The following DGKI variants were observed in gnomAD, a reference collection of about 807,000 sequenced individuals.
The protein encoded by DGKI is DAG kinase iota.
In DGKI, 55 loss-of-function variants were observed where a neutral mutation model predicts 147.5. The ratio of observed to expected loss-of-function variants is 0.37; its 90% CI spans 0.30 to 0.47. DGKI has a LOEUF of 0.47. Among genes scored for constraint, DGKI ranks in the 20% least tolerant of loss-of-function variants. DGKI has a pLI of 1.00. For synonymous variants in DGKI, 469 were observed against 477.1 expected (o/e 0.98, Z 0.22); for missense variants, 1,007 against 1,323.8 (o/e 0.76, Z 3.71).
chr7:137,603,862 G>A (rs957452911), intron 10 of DGKI, among the ~76,000 whole-genome samples: 4 of 152,186 alleles, frequency 2.6e-5, no homozygotes, highest in East Asian at 1.9e-4. Context: ...AGGGAGTTGC[G>A]AGAGAGGAGA....
At chr7:137,632,655 G>A (rs834425) in intron 6 of DGKI, among the ~76,000 whole-genome samples, 144,970 of 151,916 alleles carry the variant, frequency 0.95, 69,228 homozygotes, top group East Asian at 1. Context: ...TCAGGAGATC[G>A]AGACCATCCT....
chr7:137,437,359 G>T (rs1271078728), intron 28 of DGKI, among the ~76,000 whole-genome samples: 2 of 152,078 alleles, frequency 1.3e-5, no homozygotes, highest in African/African-American at 4.8e-5. Flanking sequence ...TGCCAGCAAA[G>T]ACTACTTAGA....
chr7:137,442,724 C>T (rs1813557163), intron 28 of DGKI, among the ~76,000 whole-genome samples: 1 of 152,146 alleles, frequency 6.6e-6, no homozygotes, highest in South Asian at 2.1e-4. Context: ...TCAGATTTCA[C>T]AATGTGGCAG....
intron 1 of DGKI, among the ~76,000 whole-genome samples, chr7:137,770,095 T>C (rs1271154297): frequency 1.3e-5 from 2 of 152,256 alleles, no homozygotes; most frequent in South Asian, 2.1e-4. Flanking sequence ...AGTGATAGAC[T>C]GGATAAAGAA....
At chr7:137,812,196 C>A (rs1316575038) in intron 1 of DGKI, among the ~76,000 whole-genome samples, 2 of 152,146 alleles carry the variant, frequency 1.3e-5, no homozygotes, top group Admixed American at 6.5e-5. Context: ...ATAGTTAGAC[C>A]TGGGTGTAAA....
At chr7:137,469,707 C>T (rs1814806955) in intron 23 of DGKI, 88 bp from the exon 24 acceptor site, 11 of 1,232,390 alleles carry the variant, frequency 8.9e-6, no homozygotes, top group African/African-American at 1.5e-5. Flanking sequence ...CTTTCCTACA[C>T]AAAGCACTGG....
At chr7:137,737,607 G>C (rs112937347) in intron 1 of DGKI, among the ~76,000 whole-genome samples, 2,074 of 151,930 alleles carry the variant, frequency 0.014, 39 homozygotes, top group African/African-American at 0.048. Context: ...TGAGCCCAAG[G>C]CATTTCCTAT....
intron 21 of DGKI, among the ~76,000 whole-genome samples, chr7:137,491,907 G>C (rs1210575928): frequency 6.6e-6 from 1 of 152,172 alleles, no homozygotes; most frequent in Admixed American, 6.5e-5. Flanking sequence ...GAGCTGTTGG[G>C]GCAGGAATTC....
intron 1 of DGKI, among the ~76,000 whole-genome samples, chr7:137,826,072 T>G (rs1256998399): frequency 6.6e-6 from 1 of 152,224 alleles, no homozygotes; most frequent in Non-Finnish European, 1.5e-5. Flanking sequence ...AGTTTGTAGG[T>G]TGCATCTCCA....
At chr7:137,574,809 T>A (rs560795333) in intron 17 of DGKI, among the ~76,000 whole-genome samples, 7 of 152,314 alleles carry the variant, frequency 4.6e-5, no homozygotes, top group African/African-American at 1.7e-4. Context: ...AAATAATGGC[T>A]ATATGTAGGT....
chr7:137,596,738 C>G (rs1423277010), intron 12 of DGKI, among the ~76,000 whole-genome samples: 3 of 152,266 alleles, frequency 2.0e-5, no homozygotes, highest in South Asian at 2.1e-4. Flanking sequence ...ATCTGAGAGA[C>G]CAATAAAAAT....
At chr7:137,713,755 C>G (rs1359986762) in intron 1 of DGKI, among the ~76,000 whole-genome samples, 3 of 152,090 alleles carry the variant, frequency 2.0e-5, no homozygotes, top group Admixed American at 2.0e-4. Context: ...AATGCTCCCA[C>G]CTCGGTGCCT....
intron 21 of DGKI, among the ~76,000 whole-genome samples, chr7:137,519,325 G>A (rs1816883877): frequency 6.6e-6 from 1 of 152,022 alleles, no homozygotes; most frequent in Non-Finnish European, 1.5e-5. Context: ...AAACATGCGA[G>A]CTTGTTATCT....
At position 137,643,285 on chromosome 7, in the gene DGKI, C is replaced by T. The variant is rs1286155158; in HGVS notation, c.804+2187G>A. ...CAACCTGGGAGACACAGCGAGACTC[C>T]GTCTCAAAAAAAAAAAAAAAAAAAA... On this transcript the variant is annotated intron_variant, in intron 6 of 32. Transcript: ENST00000614521. Among the ~76,000 whole-genome samples, 7 of 104,936 alleles carry T rather than the reference C, an allele frequency of 6.7e-5. 1 individual carries two copies. The highest frequency in any genetic ancestry group is 1.3e-4 in the African/African-American group (3 of 23,730). The allele number at this position is 104,936 out of a possible 152,430, so 68.8% of individuals were successfully genotyped here. A position where few individuals can be genotyped will look rare whatever the true frequency, so the allele number is the denominator to read the frequency against.
chr7:137,798,500 C>T (rs527683536), intron 1 of DGKI, among the ~76,000 whole-genome samples: 2 of 152,332 alleles, frequency 1.3e-5, no homozygotes, highest in Admixed American at 6.5e-5. Context: ...TGGCTCACTA[C>T]AGCCTCAACT....
At chr7:137,645,449 C>G in intron 6 of DGKI, 23 bp downstream of exon 6, 1 of 1,610,216 alleles carries the variant, frequency 6.2e-7, no homozygotes, top group Non-Finnish European at 8.5e-7. Context: ...TCCTGCGAGG[C>G]CATGAGGTGG....
intron 21 of DGKI, among the ~76,000 whole-genome samples, chr7:137,499,859 T>G (rs577631220): frequency 6.6e-6 from 1 of 152,152 alleles, no homozygotes; most frequent in Non-Finnish European, 1.5e-5. Context: ...CATATCCAGT[T>G]GGTTCTATTT....
At chr7:137,683,189 A>C (rs1823299891) in intron 2 of DGKI, among the ~76,000 whole-genome samples, 2 of 151,432 alleles carry the variant, frequency 1.3e-5, no homozygotes, top group African/African-American at 4.9e-5. Flanking sequence ...CGTTAGTATA[A>C]ATTTAGTTTC....
intron 28 of DGKI, among the ~76,000 whole-genome samples, chr7:137,430,460 C>T (rs1017364677): frequency 2.0e-5 from 3 of 151,088 alleles, no homozygotes; most frequent in African/African-American, 4.9e-5. Flanking sequence ...TGCTAAATGA[C>T]GTGTTAATGG....
Sources: gnomAD v4.1 joint callset for allele counts (sites outside exome capture counted in the v4.1 genomes callset) on GRCh38, gnomAD v4.1.1 for gene constraint, MANE v1.5 for transcripts, NCBI Gene and HGNC (gene_info 2026-07-23, HGNC 2026-07-21) for gene names.